RAI14: variants seen among roughly 807,000 people sequenced by gnomAD.
RAI14 encodes the protein retinoic acid induced 14.
Under a neutral mutation model 115.4 loss-of-function variants are expected in RAI14, and 45 were observed. The observed-to-expected ratio is 0.39, with a 90% CI of 0.31 to 0.50. The LOEUF (loss-of-function observed/expected upper bound fraction) is 0.50, where lower values mean the gene tolerates loss of function less well. RAI14 is among the 20% of genes least tolerant of loss of function. RAI14 has a pLI of 0.85. For missense variants in RAI14, 939 were observed against 1,131.2 expected (o/e 0.83, Z 2.44); for synonymous variants, 371 against 415.4 (o/e 0.89, Z 1.30).
chr5:34,792,474 T>G (rs1323560311), intron 3 of RAI14, among the ~76,000 whole-genome samples: 4 of 152,150 alleles, frequency 2.6e-5, no homozygotes, highest in Non-Finnish European at 1.5e-5. Context: ...GACCTCGTGA[T>G]CCGCCCACCT....
At chr5:34,743,593 A>T (rs180895553) in intron 2 of RAI14, among the ~76,000 whole-genome samples, 37 of 152,326 alleles carry the variant, frequency 2.4e-4, no homozygotes, top group Admixed American at 2.0e-3. Context: ...CTTAGGACTT[A>T]CATGTACGTA....
At chr5:34,781,771 A>C (rs1751677562) in intron 3 of RAI14, among the ~76,000 whole-genome samples, 1 of 152,186 alleles carries the variant, frequency 6.6e-6, no homozygotes, top group African/African-American at 2.4e-5. Flanking sequence ...AAATGTGTCT[A>C]CACTTGCTGA....
At chr5:34,724,272 T>TC (rs1580034186) in intron 2 of RAI14, among the ~76,000 whole-genome samples, 1 of 152,088 alleles carries the variant, frequency 6.6e-6, no homozygotes. Context: ...TGCCTCAGCC[T>TC]CCCAAAGTGC....
Position 34,768,461 on chromosome 5 carries a change from A to G in RAI14, c.167+10863A>G, listed in dbSNP as rs368354479. Reference sequence around the variant, plus strand: ...CGTCAATTTCCATCAGGTGTTTCCCATCTGATGCTCTCAATCACCCTGAAG... The same window carrying G: ...CGTCAATTTCCATCAGGTGTTTCCCGTCTGATGCTCTCAATCACCCTGAAG... On this transcript the variant is annotated intron_variant, in intron 3 of 17. Coordinates refer to ENST00000265109, the MANE Select transcript of RAI14 (RefSeq NM_015577.3). Among the ~76,000 whole-genome samples the G allele has an allele frequency of 1.3e-4, 20 of 152,306 alleles. No homozygotes were observed. In the East Asian group the frequency reaches 1.7e-3, roughly 13 times the overall value.
chr5:34,677,161 A>ATTTTTTTTTTTTTTTTTTTTTT (rs747450748), intron 1 of RAI14, among the ~76,000 whole-genome samples: 1 of 83,152 alleles, frequency 1.2e-5, no homozygotes. Context: ...TGACATTTCT[A>ATTTTTTTTTTTTTTTTTTTTTT]TTTTTTTTTT....
intron 2 of RAI14, among the ~76,000 whole-genome samples, chr5:34,711,913 T>C (rs933847775): frequency 5.3e-5 from 8 of 152,120 alleles, no homozygotes; most frequent in Non-Finnish European, 5.9e-5. Context: ...CCTTATTCTA[T>C]TTTTTTTCCT....
intron 3 of RAI14, among the ~76,000 whole-genome samples, chr5:34,759,599 C>T (rs1313635788): frequency 6.6e-6 from 1 of 152,142 alleles, no homozygotes; most frequent in African/African-American, 2.4e-5. Flanking sequence ...CTCCCATCAC[C>T]CCCAGTTGGG....
At chr5:34,815,359 A>C (rs1756098712) in intron 12 of RAI14, among the ~76,000 whole-genome samples, 1 of 151,488 alleles carries the variant, frequency 6.6e-6, no homozygotes, top group Admixed American at 6.6e-5. Context: ...CTAGCTTGGC[A>C]ACAGGGCGAG....
intron 2 of RAI14, among the ~76,000 whole-genome samples, chr5:34,750,575 T>C (rs961358684): frequency 3.9e-5 from 6 of 152,038 alleles, no homozygotes; most frequent in Admixed American, 3.9e-4. Context: ...CTTTCTAAAT[T>C]CTGTGTGTAT....
intron 3 of RAI14, among the ~76,000 whole-genome samples, chr5:34,781,286 G>T (rs892338108): frequency 6.6e-6 from 1 of 151,884 alleles, no homozygotes; most frequent in Non-Finnish European, 1.5e-5. Context: ...ACGAGTTAAT[G>T]GGTGCAGCAC....
chr5:34,714,923 C>T (rs553987882), intron 2 of RAI14, among the ~76,000 whole-genome samples: 2 of 152,236 alleles, frequency 1.3e-5, no homozygotes, highest in African/African-American at 4.8e-5. Flanking sequence ...TCTACCTGCC[C>T]ACCTCAGCTT....
At chr5:34,814,483 T>C (rs1755953234) in intron 11 of RAI14, 100 bp from the exon 12 acceptor site, 1 of 820,272 alleles carries the variant, frequency 1.2e-6, no homozygotes, top group African/African-American at 1.7e-5. Context: ...TACTGTTAGA[T>C]TTCATTGCAT....
At chr5:34,664,628 A>T (rs1217261787) in intron 1 of RAI14, among the ~76,000 whole-genome samples, 1 of 151,830 alleles carries the variant, frequency 6.6e-6, no homozygotes, top group African/African-American at 2.4e-5. Flanking sequence ...TATTTATTAA[A>T]TTTTTTATTT....
rs1163055689 is a variant in RAI14 at position 34,832,494 on chromosome 5, T to C, written c.*1729T>C. The C allele has an allele frequency of 6.6e-6, 1 of 152,662 alleles. No homozygotes were observed. The highest frequency in any genetic ancestry group is 2.1e-4 in the South Asian group (1 of 4,834). The allele number at this position is 152,662 out of a possible 1,614,324, so 9.5% of individuals were successfully genotyped here. A position where few individuals can be genotyped will look rare whatever the true frequency, so the allele number is the denominator to read the frequency against. On this transcript the variant is annotated 3_prime_UTR_variant, in exon 18 of 18. Transcript: ENST00000265109. The stretch of plus-strand genomic sequence containing the variant: ...TGTAGCCTTTTATCTTGTTTCCGGA[T>C]GCATATTTATTACGAGTACTCTGGT...
chr5:34,738,702 C>T (rs1745154647), intron 2 of RAI14, among the ~76,000 whole-genome samples: 1 of 152,238 alleles, frequency 6.6e-6, no homozygotes, highest in Non-Finnish European at 1.5e-5. Context: ...AGCTTGTTGA[C>T]ATCACTGGTC....
intron 2 of RAI14, among the ~76,000 whole-genome samples, chr5:34,696,999 C>T (rs527948015): frequency 6.6e-6 from 1 of 152,092 alleles, no homozygotes; most frequent in Admixed American, 6.6e-5. Flanking sequence ...GGCATGGTGG[C>T]ATGCACCTGT....
At chr5:34,783,384 G>A (rs879449526) in intron 3 of RAI14, among the ~76,000 whole-genome samples, 13 of 152,180 alleles carry the variant, frequency 8.5e-5, no homozygotes, top group East Asian at 5.8e-4. Flanking sequence ...TCTCTTCCTC[G>A]GCATCTGGCT....
At chr5:34,684,986 G>A (rs1045846395) in intron 1 of RAI14, 2 of 150,248 alleles carry the variant, frequency 1.3e-5, no homozygotes, top group Admixed American at 6.7e-5. Context: ...CTTTCACATA[G>A]ATTATCTTGC....
intron 2 of RAI14, among the ~76,000 whole-genome samples, chr5:34,715,532 C>T (rs968592809): frequency 7.2e-5 from 11 of 152,196 alleles, no homozygotes; most frequent in Admixed American, 1.3e-4. Context: ...ATTCCTGTCT[C>T]GCTTTGACTT....
Sources: allele counts gnomAD v4.1 joint callset (sites outside exome capture counted in the v4.1 genomes callset), GRCh38; gene constraint gnomAD v4.1.1; transcripts MANE v1.5; gene names NCBI Gene and HGNC (gene_info 2026-07-23, HGNC 2026-07-21).